NLGN1: variants seen among roughly 807,000 people sequenced by gnomAD.
NLGN1 encodes neuroligin-1.
In NLGN1, 12 loss-of-function variants were observed where a neutral mutation model predicts 65.5. That is an observed-to-expected ratio of 0.18 (90% CI 0.12 to 0.30). The LOEUF is 0.30. Among genes scored for constraint, NLGN1 ranks in the 10% least tolerant of loss-of-function variants. The pLI is 1.00. For missense variants in NLGN1, 750 were observed against 1,007.1 expected, an observed-to-expected ratio of 0.74 and a Z score of 3.46; for synonymous variants, 350 against 359.5, an observed-to-expected ratio of 0.97 and a Z score of 0.30.
intron 4 of NLGN1, among the ~76,000 whole-genome samples, chr3:174,100,424 C>T (rs903830059): frequency 2.6e-5 from 4 of 152,086 alleles, no homozygotes; most frequent in African/African-American, 9.7e-5. Context: ...AAGTACAAGG[C>T]TCATCTTGTC....
rs187294450 is a variant in NLGN1 at position 173,560,225 on chromosome 3, C to T, written c.-320-44054C>T. 3.4e-3 allele frequency among the ~76,000 whole-genome samples: 510 copies of T among 152,158 alleles called. 3 individuals carry two copies. The highest frequency in any genetic ancestry group is 4.7e-3 in the Non-Finnish European group (322 of 68,016). On this transcript the variant is annotated intron_variant, in intron 2 of 6. Transcript: ENST00000457714. Reference sequence around the variant, plus strand: ...GGATTACTACAAGCGTGAGCCACCGCGCCCAGCCTAGATACACTTTTTAAT... The same window carrying T: ...GGATTACTACAAGCGTGAGCCACCGTGCCCAGCCTAGATACACTTTTTAAT...
intron 5 of NLGN1, among the ~76,000 whole-genome samples, chr3:174,276,366 A>C (rs1750576615): frequency 1.3e-5 from 2 of 151,962 alleles, no homozygotes; most frequent in South Asian, 4.1e-4. Context: ...TCACAAGAAC[A>C]GAAGAGTATT....
At chr3:173,697,210 A>G (rs1001537641) in intron 3 of NLGN1, among the ~76,000 whole-genome samples, 1 of 152,212 alleles carries the variant, frequency 6.6e-6, no homozygotes, top group Non-Finnish European at 1.5e-5. Flanking sequence ...ATACTCATAA[A>G]ACAACCTGAT....
chr3:173,617,445 C>T (rs1753284109), intron 3 of NLGN1, among the ~76,000 whole-genome samples: 1 of 152,210 alleles, frequency 6.6e-6, no homozygotes, highest in African/African-American at 2.4e-5. Context: ...GCCTTCATCT[C>T]CCACCATCTG....
intron 4 of NLGN1, among the ~76,000 whole-genome samples, chr3:173,868,205 C>G (rs960824265): frequency 1.3e-5 from 2 of 151,970 alleles, no homozygotes; most frequent in East Asian, 3.9e-4. Flanking sequence ...GAGGGAGAAG[C>G]AAGGTGAATA....
intron 1 of NLGN1, among the ~76,000 whole-genome samples, chr3:173,434,050 A>T (rs1717653592): frequency 1.3e-5 from 2 of 152,204 alleles, no homozygotes; most frequent in African/African-American, 4.8e-5. Context: ...AGACTGTAGA[A>T]GTAGAAAATA....
At chr3:173,864,209 A>T (rs1729677771) in intron 4 of NLGN1, among the ~76,000 whole-genome samples, 1 of 152,222 alleles carries the variant, frequency 6.6e-6, no homozygotes, top group Non-Finnish European at 1.5e-5. Flanking sequence ...CAGGAAAAAT[A>T]ACCTTTTGTC....
chr3:174,221,628 G>C (rs935375119), intron 4 of NLGN1, among the ~76,000 whole-genome samples: 1 of 151,534 alleles, frequency 6.6e-6, no homozygotes, highest in African/African-American at 2.4e-5. Context: ...AAAAACTGGG[G>C]CATATGAGTT....
rs535270399 is a variant in NLGN1 at position 173,709,667 on chromosome 3, G to A, written c.494-98013G>A. Among the ~76,000 whole-genome samples the A allele has an allele frequency of 8.6e-5, 13 of 151,944 alleles. 1 individual carries two copies. The East Asian group carries it at 2.3e-3, about 27-fold the overall frequency. On this transcript the variant is annotated intron_variant, in intron 3 of 6. Transcript: ENST00000457714. ...AAATACAAAAAATTAGCCGGGCATG[G>A]TGGTGAGTGCCTGTAATCCCAGCTA... is the stretch of plus-strand genomic sequence containing the variant.
chr3:173,799,865 G>T (rs2150403984), intron 3 of NLGN1, among the ~76,000 whole-genome samples: 1 of 151,818 alleles, frequency 6.6e-6, no homozygotes, highest in Non-Finnish European at 1.5e-5. Context: ...CTTCTCTAAG[G>T]TTATTATATT....
At chr3:173,969,226 T>A (rs1181014132) in intron 4 of NLGN1, among the ~76,000 whole-genome samples, 1 of 152,084 alleles carries the variant, frequency 6.6e-6, no homozygotes, top group Non-Finnish European at 1.5e-5. Context: ...TGATTTTCCT[T>A]CAGTTAAGGC....
intron 4 of NLGN1, among the ~76,000 whole-genome samples, chr3:174,067,501 C>T (rs12108166): frequency 0.13 from 20,361 of 152,072 alleles, 1,499 homozygotes; most frequent in African/African-American, 0.2. Flanking sequence ...CTTCCAAAGT[C>T]GGTGTTTTCT....
chr3:173,398,119 A>G (rs73178872), upstream of NLGN1: 5,805 of 152,328 alleles, frequency 0.038, 219 homozygotes, highest in African/African-American at 0.096. Context: ...TCCTGGCGAA[A>G]TACGGAGGCT....
intron 2 of NLGN1, among the ~76,000 whole-genome samples, chr3:173,561,864 T>C (rs1742790703): frequency 6.6e-6 from 1 of 152,196 alleles, no homozygotes; most frequent in African/African-American, 2.4e-5. Flanking sequence ...ACGTGCACAT[T>C]AACAGGTATA....
chr3:174,255,901 C>T (rs1403870792), intron 4 of NLGN1, among the ~76,000 whole-genome samples: 2 of 152,026 alleles, frequency 1.3e-5, no homozygotes, highest in Admixed American at 6.6e-5. Context: ...TCAAGTGATC[C>T]GCCCACCTCG....
At chr3:173,599,315 C>T (rs1406390223) in intron 2 of NLGN1, among the ~76,000 whole-genome samples, 6 of 152,152 alleles carry the variant, frequency 3.9e-5, no homozygotes, top group Non-Finnish European at 4.4e-5. Context: ...AGTATGGCAA[C>T]AGCAGAAGAA....
At chr3:173,501,384 GC>G (rs1455800694) in intron 2 of NLGN1, among the ~76,000 whole-genome samples, 1 of 152,034 alleles carries the variant, frequency 6.6e-6, no homozygotes, top group Non-Finnish European at 1.5e-5. Flanking sequence ...ACCTCTGAAG[GC>G]TTATCTCTCA....
chr3:174,000,656 C>T (rs533074447), intron 4 of NLGN1, among the ~76,000 whole-genome samples: 3 of 152,116 alleles, frequency 2.0e-5, no homozygotes, highest in Non-Finnish European at 4.4e-5. Context: ...ATGTATAAAG[C>T]ATCAAATGTG....
chr3:174,122,251 C>G (rs1490001699), intron 4 of NLGN1, among the ~76,000 whole-genome samples: 1 of 152,130 alleles, frequency 6.6e-6, no homozygotes, highest in African/African-American at 2.4e-5. Flanking sequence ...TTATTTTCCC[C>G]CGTATAGCAG....
Sources: gnomAD v4.1 joint callset for allele counts (sites outside exome capture counted in the v4.1 genomes callset) on GRCh38, gnomAD v4.1.1 for gene constraint, MANE v1.5 for transcripts, NCBI Gene and HGNC (gene_info 2026-07-23, HGNC 2026-07-21) for gene names.